ADAMTS6: variants seen among roughly 807,000 people sequenced by gnomAD.
ADAMTS6 encodes A disintegrin and metalloproteinase with thrombospondin motifs 6.
ADAMTS6 carries 23 observed loss-of-function variants against 144.3 expected under a neutral mutation model. The ratio of observed to expected loss-of-function variants is 0.16; its 90% CI spans 0.11 to 0.23. The LOEUF (loss-of-function observed/expected upper bound fraction) is 0.23, where lower values mean the gene tolerates loss of function less well. Among genes scored for constraint, ADAMTS6 ranks in the 10% least tolerant of loss-of-function variants. The probability of loss-of-function intolerance (pLI) is 1.00; values close to 1 mark genes in which losing one functional copy is unlikely to be tolerated. For missense variants in ADAMTS6, 999 were observed against 1,379.6 expected, an observed-to-expected ratio of 0.72 and a Z score of 4.37; for synonymous variants, 444 against 457.5, an observed-to-expected ratio of 0.97 and a Z score of 0.38.
At chr5:65,367,788 T>C (rs1750442951) in intron 7 of ADAMTS6, among the ~76,000 whole-genome samples, 1 of 152,026 alleles carries the variant, frequency 6.6e-6, no homozygotes, top group South Asian at 2.1e-4. Flanking sequence ...TGAATATTAA[T>C]CTTGTTTCCT....
At chr5:65,193,780 T>C (rs1755158786) in intron 21 of ADAMTS6, among the ~76,000 whole-genome samples, 1 of 152,184 alleles carries the variant, frequency 6.6e-6, no homozygotes, top group Non-Finnish European at 1.5e-5. Flanking sequence ...AAGTGGTTAA[T>C]GCTGCATTAT....
intron 7 of ADAMTS6, among the ~76,000 whole-genome samples, chr5:65,409,473 C>T (rs1312862368): frequency 6.6e-6 from 1 of 152,102 alleles, no homozygotes; most frequent in African/African-American, 2.4e-5. Flanking sequence ...CTGAATAGAC[C>T]AATAACAGGC....
At chr5:65,332,287 GTA>G (rs367547551) in intron 8 of ADAMTS6, among the ~76,000 whole-genome samples, 5,556 of 117,744 alleles carry the variant, frequency 0.047, 131 homozygotes, top group Middle Eastern at 0.056. Flanking sequence ...GACAGTGAGG[GTA>G]TATATATATA....
chr5:65,331,934 T>C (rs779192125), intron 8 of ADAMTS6, among the ~76,000 whole-genome samples: 23 of 152,002 alleles, frequency 1.5e-4, no homozygotes, highest in African/African-American at 1.9e-4. Flanking sequence ...AAATAACTTA[T>C]ATTGAGCTTG....
At chr5:65,160,304 A>G (rs1221084070) in intron 24 of ADAMTS6, among the ~76,000 whole-genome samples, 1 of 144,610 alleles carries the variant, frequency 6.9e-6, no homozygotes, top group Non-Finnish European at 1.5e-5. Flanking sequence ...TCCTTCTCCG[A>G]CTTTCTTTTT....
intron 20 of ADAMTS6, among the ~76,000 whole-genome samples, chr5:65,204,480 T>A (rs879340680): frequency 3.9e-5 from 6 of 152,146 alleles, no homozygotes; most frequent in Non-Finnish European, 8.8e-5. Context: ...TGTTCACAGG[T>A]GCCCTGTTAT....
At chr5:65,313,694 T>C (rs983243864) in intron 9 of ADAMTS6, among the ~76,000 whole-genome samples, 1 of 152,114 alleles carries the variant, frequency 6.6e-6, no homozygotes, top group African/African-American at 2.4e-5. Context: ...ACTATGGCAC[T>C]ATATAGCTTT....
chr5:65,247,637 G>T (rs879291947), intron 14 of ADAMTS6, among the ~76,000 whole-genome samples: 1 of 152,084 alleles, frequency 6.6e-6, no homozygotes, highest in Non-Finnish European at 1.5e-5. Flanking sequence ...TGATAAGACA[G>T]CCAAGAATGA....
chr5:65,474,483 A>G (rs1194123313), intron 1 of ADAMTS6, among the ~76,000 whole-genome samples: 2 of 152,130 alleles, frequency 1.3e-5, no homozygotes, highest in Non-Finnish European at 2.9e-5. Context: ...ACTTCTAAAA[A>G]GTTGAACTGT....
chr5:65,321,708 CTT>C (rs529236363), intron 9 of ADAMTS6, among the ~76,000 whole-genome samples: 2,075 of 78,734 alleles, frequency 0.026, 14 homozygotes, highest in African/African-American at 0.092. Context: ...TTTTCTTTTC[CTT>C]TTTTTTTTTT....
chr5:65,343,226 G>A (rs757064101), intron 7 of ADAMTS6, among the ~76,000 whole-genome samples: 11 of 151,870 alleles, frequency 7.2e-5, no homozygotes, highest in Non-Finnish European at 1.2e-4. Flanking sequence ...AAAAGACCCC[G>A]AATAGACACG....
Position 65,197,107 on chromosome 5 carries a change from A to C in ADAMTS6, c.2620T>G (p.Ser874Ala). The change falls in exon 21 of 25, where the codon TCC (serine) becomes GCC (alanine). Residue 874 changes from serine (S) to alanine (A), a missense_variant. By Grantham distance (99) the Ser-to-Ala change is moderately conservative (BLOSUM62 1). Coordinates refer to ENST00000381055, the MANE Select transcript of ADAMTS6 (RefSeq NM_197941.4). ...TCACAGTAATTGTTCTGGACAATGG[A>C]GTTGTCATCCAACCTTTTACAGACC... Reference protein sequence around the residue: ...EVVCKRLDDNSIVQNNYCDPD... With the variant: ...EVVCKRLDDNAIVQNNYCDPD... The C allele has an allele frequency of 1.2e-6, 2 of 1,613,840 alleles. No homozygotes were observed. Among genetic ancestry groups the C allele is most frequent in the Non-Finnish European group, 1.7e-6 (2 of 1,179,814 alleles).
intron 15 of ADAMTS6, among the ~76,000 whole-genome samples, chr5:65,226,509 C>T (rs936343101): frequency 2.6e-5 from 4 of 150,982 alleles, no homozygotes; most frequent in African/African-American, 9.7e-5. Flanking sequence ...TTCTATATTC[C>T]ATTATATATT....
At chr5:65,436,080 G>GCTTTA (rs1384504294) in intron 7 of ADAMTS6, among the ~76,000 whole-genome samples, 3 of 151,754 alleles carry the variant, frequency 2.0e-5, no homozygotes, top group Non-Finnish European at 4.4e-5. Context: ...GCTTAATTAG[G>GCTTTA]GGGCTGGGCA....
intron 20 of ADAMTS6, among the ~76,000 whole-genome samples, chr5:65,201,537 A>G (rs1410010562): frequency 6.6e-6 from 1 of 152,194 alleles, no homozygotes; most frequent in Non-Finnish European, 1.5e-5. Context: ...TAAGGGCAGG[A>G]GAAAGACTTT....
intron 7 of ADAMTS6, among the ~76,000 whole-genome samples, chr5:65,345,823 C>T (rs1748266758): frequency 1.3e-5 from 2 of 151,072 alleles, no homozygotes; most frequent in African/African-American, 4.9e-5. Flanking sequence ...TTACAAATCC[C>T]TAATTTATAC....
At chr5:65,323,900 G>T (rs1745905530) in intron 9 of ADAMTS6, among the ~76,000 whole-genome samples, 1 of 152,048 alleles carries the variant, frequency 6.6e-6, no homozygotes, top group African/African-American at 2.4e-5. Flanking sequence ...GTGTTTTTTG[G>T]CTGCGTAAAT....
chr5:65,269,114 G>A (rs1237468432), intron 12 of ADAMTS6, among the ~76,000 whole-genome samples: 2 of 152,074 alleles, frequency 1.3e-5, no homozygotes, highest in Non-Finnish European at 2.9e-5. Flanking sequence ...GCCAGCTAAG[G>A]CAGTCTGCCA....
chr5:65,394,946 T>C (rs1753215072), intron 7 of ADAMTS6, among the ~76,000 whole-genome samples: 1 of 152,050 alleles, frequency 6.6e-6, no homozygotes, highest in African/African-American at 2.4e-5. Context: ...AATAATCCTA[T>C]GAAGTAGCAG....
Sources: allele counts gnomAD v4.1 joint callset (sites outside exome capture counted in the v4.1 genomes callset), GRCh38; gene constraint gnomAD v4.1.1; transcripts MANE v1.5; gene names NCBI Gene and HGNC (gene_info 2026-07-23, HGNC 2026-07-21).